The following ABCB4 variants were observed in gnomAD, a reference collection of about 807,000 sequenced individuals.
The protein encoded by ABCB4 is ATP binding cassette subfamily B member 4, also known as phosphatidylcholine translocator ABCB4.
A neutral mutation model predicts 145.7 loss-of-function variants in ABCB4; 76 were observed. The observed-to-expected ratio is 0.52, with a 90% confidence interval of 0.43 to 0.63. The LOEUF (loss-of-function observed/expected upper bound fraction) is 0.63. ABCB4 is among the 30% of genes least tolerant of loss of function. The probability of loss-of-function intolerance (pLI) is 0.00; values close to 1 mark genes in which losing one functional copy is unlikely to be tolerated. For missense variants in ABCB4, 1,234 were observed against 1,553.1 expected (o/e 0.79, Z 3.45); for synonymous variants, 517 against 566.8 (o/e 0.91, Z 1.25).
intron 8 of ABCB4, among the ~76,000 whole-genome samples, chr7:87,448,904 T>A (rs1811523653): frequency 6.6e-6 from 1 of 152,146 alleles, no homozygotes; most frequent in Non-Finnish European, 1.5e-5. Context: ...AAGAGTCCCA[T>A]AGAATAGCCA....
intron 21 of ABCB4, among the ~76,000 whole-genome samples, chr7:87,415,355 T>TTTTTAAAAACAC (rs1256765083): frequency 6.6e-6 from 1 of 152,182 alleles, no homozygotes; most frequent in African/African-American, 2.4e-5. Flanking sequence ...AAATAGTGAT[T>TTTTTAAAAACAC]TGGGGTTTTT....
chr7:87,475,154 C>T (rs1298646550), intron 2 of ABCB4, among the ~76,000 whole-genome samples: 2 of 152,194 alleles, frequency 1.3e-5, no homozygotes, highest in African/African-American at 4.8e-5. Context: ...GAGCACTTTT[C>T]AAGACAGCCT....
chr7:87,449,541 C>A (rs1202924848), intron 8 of ABCB4, among the ~76,000 whole-genome samples: 1 of 151,596 alleles, frequency 6.6e-6, no homozygotes, highest in East Asian at 2.0e-4. Context: ...TCAAGGGATT[C>A]TCCTGCCTCA....
intron 15 of ABCB4, among the ~76,000 whole-genome samples, chr7:87,427,145 T>A (rs1218981685): frequency 6.6e-6 from 1 of 151,994 alleles, no homozygotes; most frequent in African/African-American, 2.4e-5. Flanking sequence ...AATCGGAGTA[T>A]AAGAATATTT....
In ABCB4 at chr7:87,462,843, G is replaced by A. The variant is rs747703354; in HGVS notation, c.201C>T (p.His67=). 4.8e-5 allele frequency: 77 copies of A among 1,613,536 alleles called. No homozygotes were observed. The highest frequency in any genetic ancestry group is 6.0e-5 in the Non-Finnish European group (71 of 1,179,664). ...TCATCATGAGGGGGAGACCTGATCC[G>A]TGAGCTATGGCCATGATGGTACCCA... The part of the protein sequence containing the change: ...MSLGTIMAIA[H]GSGLPLMMIV... The change falls in exon 4 of 28, where the codon CAC becomes CAT. Residue 67 remains histidine, a synonymous_variant. Coordinates refer to ENST00000649586, the MANE Select transcript of ABCB4 (RefSeq NM_000443.4).
At chr7:87,374,790 C>T in the ABCB4 span, among the ~76,000 whole-genome samples, 3 of 151,924 alleles carry the variant, frequency 2.0e-5, no homozygotes, top group Admixed American at 6.6e-5. Context: ...TGATGAATTC[C>T]AATTTTGAAT....
In ABCB4 at chr7:87,428,464, C is replaced by T. The variant is rs77202119; in HGVS notation, c.1894-1544G>A. The stretch of plus-strand genomic sequence containing the variant: ...AAAGGAAATGGGGTAAATATCCTTT[C>T]GGAGAACAACCTCAAATCCTGAAGA... On this transcript the variant is annotated intron_variant, in intron 15 of 27. Transcript: ENST00000649586. Among the ~76,000 whole-genome samples, 1,082 of 152,246 alleles carry T rather than the reference C, an allele frequency of 7.1e-3. 8 individuals carry two copies. Among genetic ancestry groups the T allele is most frequent in the South Asian group, 0.026 (123 of 4,822 alleles).
At chr7:87,449,393 C>T (rs1363383800) in intron 8 of ABCB4, among the ~76,000 whole-genome samples, 1 of 151,568 alleles carries the variant, frequency 6.6e-6, no homozygotes, top group African/African-American at 2.4e-5. Context: ...TCCTTTGTAA[C>T]CCTACTTATT....
Position 87,401,865 on chromosome 7 carries a change from A to G in ABCB4, c.*231T>C, listed in dbSNP as rs1807803934. On this transcript the variant is annotated 3_prime_UTR_variant, in exon 28 of 28. Transcript: ENST00000649586. ...TTTGTTCTTTTTCTGGATGTTTCTA[A>G]TAACTTAGGGAGAGCTAGCCTGTTG... 1.5e-6 allele frequency: 1 copy of G among 679,420 alleles called. No homozygotes were observed. The highest frequency in any genetic ancestry group is 1.5e-5 in the South Asian group (1 of 65,628). 42.1% of individuals were successfully genotyped at this position (679,420 alleles called of 1,614,324 possible). A position where few individuals can be genotyped will look rare whatever the true frequency, so the allele number is the denominator to read the frequency against.
intron 19 of ABCB4, among the ~76,000 whole-genome samples, chr7:87,419,162 G>A (rs1395695719): frequency 2.0e-5 from 3 of 152,304 alleles, no homozygotes; most frequent in East Asian, 3.9e-4. Flanking sequence ...TTAATTGTAA[G>A]CTACTCATCC....
At chr7:87,448,925 T>G (rs1811525158) in intron 8 of ABCB4, among the ~76,000 whole-genome samples, 1 of 152,176 alleles carries the variant, frequency 6.6e-6, no homozygotes, top group South Asian at 2.1e-4. Context: ...AAGAAAATAC[T>G]TTATATGGAA....
intron 19 of ABCB4, 109 bp downstream of exon 19, chr7:87,419,889 A>G (rs1809292913): frequency 1.7e-6 from 2 of 1,189,612 alleles, no homozygotes; most frequent in Non-Finnish European, 2.5e-6. Context: ...CCTTGCGTGA[A>G]TACCCTGGGG....
intron 25 of ABCB4, among the ~76,000 whole-genome samples, chr7:87,406,715 A>C (rs1808224735): frequency 6.6e-6 from 1 of 152,152 alleles, no homozygotes. Context: ...AAATGGTAGC[A>C]CATTTGACCC....
At chr7:87,446,971 A>G in intron 9 of ABCB4, 63 bp downstream of exon 9, 1 of 1,452,296 alleles carries the variant, frequency 6.9e-7, no homozygotes, top group Non-Finnish European at 9.6e-7. Flanking sequence ...ATCAAAGAAA[A>G]GAGAAGGTAG....
chr7:87,471,688 G>A (rs555146956), intron 3 of ABCB4, among the ~76,000 whole-genome samples: 54 of 152,250 alleles, frequency 3.5e-4, no homozygotes, highest in African/African-American at 1.2e-3. Flanking sequence ...TTTGAAACAC[G>A]TCATATTTAC....
At chr7:87,411,459 G>A (rs568767633) in intron 23 of ABCB4, among the ~76,000 whole-genome samples, 7 of 152,264 alleles carry the variant, frequency 4.6e-5, no homozygotes, top group Admixed American at 2.0e-4. Context: ...GCCTGGTTAG[G>A]GAGAGAGTGC....
Position 87,451,758 on chromosome 7 carries a change from C to T in ABCB4, c.573G>A (p.Lys191=), listed in dbSNP as rs1444729830. 6.2e-7 allele frequency: 1 copy of T among 1,614,144 alleles called. No individual in the cohort carries two copies. The highest frequency in any genetic ancestry group is 8.5e-7 in the Non-Finnish European group (1 of 1,180,014). ...CTACTGCTTGAAAGAACATTCCAAC[C>T]TTGTCACCAATTCCTTCACTGATTT... ...ISKISEGIGD[K]VGMFFQAVAT... is the part of the protein sequence containing the mutation. Residue 191 remains lysine, a synonymous_variant, in exon 7 of 28, where the codon AAG becomes AAA. Coordinates refer to ENST00000649586, the MANE Select transcript of ABCB4 (RefSeq NM_000443.4).
chr7:87,397,545 G>C (rs925882038), downstream of ABCB4, among the ~76,000 whole-genome samples: 1 of 152,122 alleles, frequency 6.6e-6, no homozygotes, highest in Non-Finnish European at 1.5e-5. Flanking sequence ...AATAAGAATG[G>C]TTAATCTGTG....
intron 26 of ABCB4, chr7:87,403,516 A>C (rs917587653): frequency 4.1e-5 from 22 of 538,190 alleles, no homozygotes; most frequent in Middle Eastern, 5.1e-4. Flanking sequence ...GGATACTCTA[A>C]AATAACAAAT....
Sources: gnomAD v4.1 joint callset for allele counts (sites outside exome capture counted in the v4.1 genomes callset) on GRCh38, gnomAD v4.1.1 for gene constraint, MANE v1.5 for transcripts, NCBI Gene and HGNC (gene_info 2026-07-23, HGNC 2026-07-21) for gene names.